Variants in PTPRT observed in about 807,000 individuals in gnomAD.
PTPRT encodes protein tyrosine phosphatase receptor type T, also known as receptor-type tyrosine-protein phosphatase T.
PTPRT carries 56 observed loss-of-function variants against 176.8 expected under a neutral mutation model. The ratio of observed to expected loss-of-function variants is 0.32; its 90% CI spans 0.26 to 0.40. The LOEUF (loss-of-function observed/expected upper bound fraction) is 0.40, where lower values mean the gene tolerates loss of function less well. Ranked by LOEUF, PTPRT falls within the 10% of genes least tolerant of loss-of-function variation. PTPRT has a pLI of 1.00. For missense variants in PTPRT, 1,540 were observed against 1,908.2 expected (o/e 0.81, Z 3.60); for synonymous variants, 783 against 739.0 (o/e 1.06, Z -0.96).
intron 10 of PTPRT, 32 bp downstream of exon 10, chr20:42,352,052 C>T (rs762527122): frequency 1.3e-6 from 2 of 1,597,980 alleles, no homozygotes; most frequent in Admixed American, 1.7e-5. Flanking sequence ...GTGAAACAAC[C>T]TTTTTTCCTT....
chr20:43,161,492 T>C (rs755264391), intron 1 of PTPRT, among the ~76,000 whole-genome samples: 1 of 152,032 alleles, frequency 6.6e-6, no homozygotes. Context: ...GAAAGACAGG[T>C]ATAACAGAAA....
chr20:42,345,919 C>T (rs1313662240), intron 11 of PTPRT, among the ~76,000 whole-genome samples: 2 of 152,032 alleles, frequency 1.3e-5, no homozygotes, highest in African/African-American at 4.8e-5. Flanking sequence ...TGCTAAGAAG[C>T]CTGTACTTAA....
chr20:42,632,731 T>C (rs1010227240), intron 7 of PTPRT, among the ~76,000 whole-genome samples: 4 of 151,360 alleles, frequency 2.6e-5, no homozygotes, highest in African/African-American at 9.7e-5. Context: ...TATATTAAAC[T>C]GGAACATGAG....
chr20:42,118,283 T>C, intron 21 of PTPRT, 120 bp downstream of exon 21: 1 of 736,826 alleles, frequency 1.4e-6, no homozygotes, highest in South Asian at 2.2e-5. Flanking sequence ...ACCTCCCTTG[T>C]AGGTTGCCGT....
chr20:43,165,493 TG>T (rs1171314873), intron 1 of PTPRT, among the ~76,000 whole-genome samples: 8 of 152,112 alleles, frequency 5.3e-5, no homozygotes. Context: ...CCTACTGCCA[TG>T]TAAGATGTGC....
At chr20:42,593,687 GCAACT>G (rs1310352427) in intron 7 of PTPRT, among the ~76,000 whole-genome samples, 8 of 152,234 alleles carry the variant, frequency 5.3e-5, no homozygotes, top group African/African-American at 1.9e-4. Flanking sequence ...TGCAAATATA[GCAACT>G]CTCCCACTCA....
intron 2 of PTPRT, among the ~76,000 whole-genome samples, chr20:42,800,623 T>G (rs759895936): frequency 4.6e-5 from 7 of 152,190 alleles, no homozygotes; most frequent in Admixed American, 6.5e-5. Context: ...TTAGTTACAT[T>G]TATGCTCCAA....
intron 9 of PTPRT, among the ~76,000 whole-genome samples, chr20:42,416,674 T>G (rs2145754955): frequency 6.6e-6 from 1 of 152,324 alleles, no homozygotes; most frequent in South Asian, 2.1e-4. Context: ...GAGATAAAGG[T>G]GTTATCTGTA....
intron 2 of PTPRT, among the ~76,000 whole-genome samples, chr20:42,807,033 T>C (rs13039258): frequency 0.12 from 18,479 of 152,138 alleles, 1,448 homozygotes; most frequent in East Asian, 0.38. Context: ...ATGTCTCTGA[T>C]AATTTTTGCC....
intron 1 of PTPRT, among the ~76,000 whole-genome samples, chr20:43,008,202 G>T (rs1289285679): frequency 6.6e-6 from 1 of 152,028 alleles, no homozygotes; most frequent in Non-Finnish European, 1.5e-5. Flanking sequence ...GAGATAATGA[G>T]ATAATGAAAG....
chr20:42,987,610 C>T (rs1420900140), intron 1 of PTPRT, among the ~76,000 whole-genome samples: 1 of 152,108 alleles, frequency 6.6e-6, no homozygotes, highest in African/African-American at 2.4e-5. Flanking sequence ...ATGTCAGCCA[C>T]CTCAGACACT....
intron 7 of PTPRT, among the ~76,000 whole-genome samples, chr20:42,551,847 C>T (rs2072776528): frequency 6.6e-6 from 1 of 152,166 alleles, no homozygotes; most frequent in Non-Finnish European, 1.5e-5. Context: ...CCTGGACCTT[C>T]CCCATTCCTT....
At chr20:42,388,160 T>C (rs1309682434) in intron 9 of PTPRT, among the ~76,000 whole-genome samples, 2 of 152,150 alleles carry the variant, frequency 1.3e-5, no homozygotes, top group African/African-American at 4.8e-5. Flanking sequence ...AAAACATTAA[T>C]AGTGCTAAGG....
intron 1 of PTPRT, among the ~76,000 whole-genome samples, chr20:42,918,772 C>T (rs1314761012): frequency 6.6e-6 from 1 of 152,164 alleles, no homozygotes; most frequent in Non-Finnish European, 1.5e-5. Flanking sequence ...TCAGACAGTG[C>T]TTGCCCAGAT....
chr20:42,623,689 C>A (rs529452223), intron 7 of PTPRT, among the ~76,000 whole-genome samples: 220 of 152,192 alleles, frequency 1.4e-3, no homozygotes, highest in African/African-American at 5.0e-3. Flanking sequence ...CTGGCATATT[C>A]ACTTCATCCA....
chr20:42,302,783 A>G (rs6093613), intron 12 of PTPRT, among the ~76,000 whole-genome samples: 3,300 of 152,292 alleles, frequency 0.022, 121 homozygotes, highest in African/African-American at 0.077. Flanking sequence ...ATCTCCTTAC[A>G]GAGGAGCTCA....
chr20:42,809,909 G>A (rs538779771), intron 2 of PTPRT, among the ~76,000 whole-genome samples: 40 of 152,188 alleles, frequency 2.6e-4, no homozygotes, highest in African/African-American at 9.4e-4. Flanking sequence ...CACAATGCTG[G>A]GGGGCCGTGA....
rs1304478835 is a variant in PTPRT at position 43,189,611 on chromosome 20, C to CGGGGAGCCCA, written c.88+25_88+34dup. The CGGGGAGCCCA allele has an allele frequency of 8.2e-7, 1 of 1,213,398 alleles. No individual in the cohort carries two copies. The highest frequency in any genetic ancestry group is 1.0e-6 in the Non-Finnish European group (1 of 970,570). 75.2% of individuals were successfully genotyped at this position (1,213,398 alleles called of 1,614,324 possible). A position where few individuals can be genotyped will look rare whatever the true frequency, so the allele number is the denominator to read the frequency against. ...GGGCCCGCGCGCATCCAGGAGGGAG[C>CGGGGAGCCCA]GGGGAGCCCAGGGGAGCCGGGCGGG... On this transcript the variant is annotated intron_variant, in intron 1 of 30. Transcript: ENST00000373187. The surrounding 1 kb of genome is among the most constrained non-coding windows in gnomAD (Gnocchi z 5.0).
chr20:43,080,773 T>C (rs1430447390), intron 1 of PTPRT, among the ~76,000 whole-genome samples: 1 of 152,212 alleles, frequency 6.6e-6, no homozygotes, highest in African/African-American at 2.4e-5. Flanking sequence ...AGTTAGAGAT[T>C]CTCACATTCT....
Sources: gnomAD v4.1 joint callset for allele counts (sites outside exome capture counted in the v4.1 genomes callset) on GRCh38, gnomAD v4.1.1 for gene constraint, Gnocchi (gnomAD v3.1) non-coding constraint, MANE v1.5 for transcripts, NCBI Gene and HGNC (gene_info 2026-07-23, HGNC 2026-07-21) for gene names.